ARHGEF10L: variants seen among roughly 807,000 people sequenced by gnomAD.
ARHGEF10L encodes the protein rho guanine nucleotide exchange factor 10-like protein.
A neutral mutation model predicts 141.2 loss-of-function variants in ARHGEF10L; 69 were observed. That is an observed-to-expected ratio of 0.49 (90% CI 0.40 to 0.60). The LOEUF is 0.60. Among genes scored for constraint, ARHGEF10L ranks in the 20% least tolerant of loss-of-function variants. The pLI is 0.00. For synonymous variants in ARHGEF10L, 711 were observed against 718.5 expected, an observed-to-expected ratio of 0.99 and a Z score of 0.17; for missense variants, 1,482 against 1,734.3, an observed-to-expected ratio of 0.85 and a Z score of 2.58.
At chr1:17,679,286 C>T (rs1488918531) in intron 26 of ARHGEF10L, among the ~76,000 whole-genome samples, 1 of 152,182 alleles carries the variant, frequency 6.6e-6, no homozygotes, top group African/African-American at 2.4e-5. Flanking sequence ...CAGATCTGCT[C>T]CTGGTGCACA....
chr1:17,516,710 AG>A, the ARHGEF10L span, among the ~76,000 whole-genome samples: 1 of 152,098 alleles, frequency 6.6e-6, no homozygotes, highest in Non-Finnish European at 1.5e-5. Flanking sequence ...AGGGGGTGGG[AG>A]GGGGCAGCAT....
chr1:17,656,627 G>A lies in ARHGEF10L; in HGVS notation c.2779G>A (p.Val927Met). Residue 927 changes from valine to methionine, a missense_variant, in exon 25 of 29, where the codon GTG becomes ATG. Transcript: ENST00000361221. The surrounding 1 kb of genome is among the most constrained non-coding windows in gnomAD (Gnocchi z 4.9). ...CTGCAGGAGCCCAGGTCTGCAGCCT[G>A]TGCTCTGCCTGCGACACAGCCCCTT... Reference protein sequence around the residue: ...VSCRSPGLQPVLCLRHSPFHL... With the variant: ...VSCRSPGLQPMLCLRHSPFHL... 6.2e-7 allele frequency: 1 copy of A among 1,613,684 alleles called. No homozygotes were observed. The highest frequency in any genetic ancestry group is 8.5e-7 in the Non-Finnish European group (1 of 1,180,018).
At chr1:17,685,396 TC>T (rs1448644682) in intron 26 of ARHGEF10L, among the ~76,000 whole-genome samples, 2 of 152,168 alleles carry the variant, frequency 1.3e-5, no homozygotes, top group African/African-American at 4.8e-5. Context: ...CATTCCTGCC[TC>T]CGGGCCTTTG....
At chr1:17,622,901 G>A (rs1184636476) in intron 11 of ARHGEF10L, 95 bp from the exon 12 acceptor site, 53 of 1,350,612 alleles carry the variant, frequency 3.9e-5, no homozygotes, top group Non-Finnish European at 4.9e-5. Context: ...CGTGCCACGG[G>A]AAGGCCCATT....
At chr1:17,556,335 G>A (rs1462593423) in intron 1 of ARHGEF10L, among the ~76,000 whole-genome samples, 1 of 151,806 alleles carries the variant, frequency 6.6e-6, no homozygotes, top group East Asian at 1.9e-4. Context: ...GGGAGCATGG[G>A]GGTAAGCTTG....
At chr1:17,528,606 T>C in the ARHGEF10L span, among the ~76,000 whole-genome samples, 1 of 152,030 alleles carries the variant, frequency 6.6e-6, no homozygotes, top group Non-Finnish European at 1.5e-5. Flanking sequence ...CCACCACCCA[T>C]AATTTTCATC....
In ARHGEF10L at chr1:17,634,825, G is replaced by A; in HGVS notation, c.1746-10G>A. The A allele has an allele frequency of 6.2e-7, 1 of 1,609,980 alleles. No individual in the cohort carries two copies. Among genetic ancestry groups the A allele is most frequent in the Admixed American group, 1.7e-5 (1 of 59,552 alleles). On this transcript the variant is annotated splice_polypyrimidine_tract_variant and intron_variant, in intron 17 of 28. Coordinates refer to ENST00000361221, the MANE Select transcript of ARHGEF10L (RefSeq NM_018125.4). ...GCCTCTCCAGGGCCTTGTCCTCTCTGTTCCAACAGGGGCCAGCTGGAGATC... is the reference window on the plus strand; with the variant it reads ...GCCTCTCCAGGGCCTTGTCCTCTCTATTCCAACAGGGGCCAGCTGGAGATC...
chr1:17,515,069 T>C, the ARHGEF10L span, among the ~76,000 whole-genome samples: 2 of 152,180 alleles, frequency 1.3e-5, no homozygotes, highest in African/African-American at 4.8e-5. Flanking sequence ...ATGGATAAAA[T>C]GCCCAGCCTG....
At chr1:17,638,078 G>GCTTTC (rs2061117062) in intron 19 of ARHGEF10L, 75 bp downstream of exon 19, 2 of 1,350,386 alleles carry the variant, frequency 1.5e-6, no homozygotes, top group South Asian at 2.6e-5. Flanking sequence ...AAGCTGAGTA[G>GCTTTC]GGAGGGGCTC....
In ARHGEF10L at chr1:17,625,197, G is replaced by A. The variant is rs1390192985; in HGVS notation, c.1317+694G>A. 6.6e-6 allele frequency among the ~76,000 whole-genome samples: 1 copy of A among 152,204 alleles called. No individual in the cohort carries two copies. The highest frequency in any genetic ancestry group is 2.4e-5 in the African/African-American group (1 of 41,440). On this transcript the variant is annotated intron_variant, in intron 13 of 28. Coordinates refer to ENST00000361221, the MANE Select transcript of ARHGEF10L (RefSeq NM_018125.4). This position sits in a 1 kb window ranked among gnomAD's most constrained non-coding sequence, Gnocchi z 4.5. Reference sequence around the variant, plus strand: ...ACATGGGCCCTGGCGGGGGATGGTGGGATTGTGCCAAATAAAGACAGAGGA... The same window carrying A: ...ACATGGGCCCTGGCGGGGGATGGTGAGATTGTGCCAAATAAAGACAGAGGA...
chr1:17,637,420 C>G (rs1373979522), intron 18 of ARHGEF10L, among the ~76,000 whole-genome samples: 2 of 152,198 alleles, frequency 1.3e-5, no homozygotes, highest in Non-Finnish European at 2.9e-5. Flanking sequence ...AGGTGTTAGA[C>G]TTTACTCTTG....
In ARHGEF10L at chr1:17,603,527, C is replaced by A; in HGVS notation, c.369C>A (p.Pro123=). ...TCCCAGTTGACCGGTTCACTTTCCC[C>A]GCCCTGGAAGAGGATGTGATTTATG... The part of the protein sequence containing the change: ...SSRRIDRFTF[P]ALEEDVIYDD... Residue 123 remains proline (P), a synonymous_variant, in exon 6 of 29, where the codon CCC becomes CCA. Coordinates refer to ENST00000361221, the MANE Select transcript of ARHGEF10L (RefSeq NM_018125.4). This position sits in a 1 kb window ranked among gnomAD's most constrained non-coding sequence, Gnocchi z 4.8. The A allele has an allele frequency of 6.2e-7, 1 of 1,613,630 alleles. No homozygotes were observed. Among genetic ancestry groups the A allele is most frequent in the Non-Finnish European group, 8.5e-7 (1 of 1,179,788 alleles).
At chr1:17,575,414 A>C (rs571051041) in intron 1 of ARHGEF10L, among the ~76,000 whole-genome samples, 2 of 152,368 alleles carry the variant, frequency 1.3e-5, no homozygotes, top group South Asian at 2.1e-4. Flanking sequence ...TCTGGTTTTG[A>C]TGACTGAACA....
At chr1:17,547,273 C>A (rs2076951314) in intron 1 of ARHGEF10L, among the ~76,000 whole-genome samples, 1 of 152,254 alleles carries the variant, frequency 6.6e-6, no homozygotes, top group Non-Finnish European at 1.5e-5. Flanking sequence ...CCCAACACCA[C>A]CTTCTTGCAG....
chr1:17,635,604 C>T (rs1004330293), intron 18 of ARHGEF10L, among the ~76,000 whole-genome samples: 2 of 152,226 alleles, frequency 1.3e-5, no homozygotes, highest in Non-Finnish European at 2.9e-5. Context: ...CTGCTCTTGG[C>T]TCAAATGGCA....
At position 17,656,472 on chromosome 1, in the gene ARHGEF10L, C is replaced by T; in HGVS notation, c.2706-82C>T. 1 of 1,515,612 alleles carries T rather than the reference C, an allele frequency of 6.6e-7. No individual in the cohort carries two copies. The highest frequency in any genetic ancestry group is 1.3e-5 in the South Asian group (1 of 77,464). 93.9% of individuals were successfully genotyped at this position (1,515,612 alleles called of 1,614,324 possible). A position where few individuals can be genotyped will look rare whatever the true frequency, so the allele number is the denominator to read the frequency against. On this transcript the variant is annotated intron_variant, in intron 24 of 28. Transcript: ENST00000361221. The surrounding 1 kb of genome is among the most constrained non-coding windows in gnomAD (Gnocchi z 4.9). The stretch of plus-strand genomic sequence containing the variant: ...TGAGAGGGGTCAGCTCCCTGGGGCC[C>T]TCTCCCTAGGAGGGCATGGGGGCAG...
intron 21 of ARHGEF10L, among the ~76,000 whole-genome samples, chr1:17,641,547 C>T (rs1405125664): frequency 5.9e-5 from 9 of 151,804 alleles, no homozygotes; most frequent in Admixed American, 2.0e-4. Flanking sequence ...TGCTTGAATC[C>T]GGGAGTTCGA....
chr1:17,671,721 C>G (rs1309085383), intron 26 of ARHGEF10L, among the ~76,000 whole-genome samples: 1 of 152,202 alleles, frequency 6.6e-6, no homozygotes, highest in Non-Finnish European at 1.5e-5. Flanking sequence ...CCTGTCTGGA[C>G]CATTTCACCT....
chr1:17,648,810 T>C, intron 22 of ARHGEF10L, 135 bp downstream of exon 22: 1 of 1,314,882 alleles, frequency 7.6e-7, no homozygotes, highest in Non-Finnish European at 1.0e-6. Context: ...AAATTCTTAC[T>C]GACAGATTTG....
Sources: gnomAD v4.1 joint callset for allele counts (sites outside exome capture counted in the v4.1 genomes callset) on GRCh38, gnomAD v4.1.1 for gene constraint, Gnocchi (gnomAD v3.1) non-coding constraint, MANE v1.5 for transcripts, NCBI Gene and HGNC (gene_info 2026-07-23, HGNC 2026-07-21) for gene names.